NRG3: variants seen among roughly 807,000 people sequenced by gnomAD.
NRG3 encodes the protein neuregulin 3.
NRG3 carries 31 observed loss-of-function variants against 66.9 expected under a neutral mutation model. That is an observed-to-expected ratio of 0.46 (90% CI 0.35 to 0.63). The LOEUF (loss-of-function observed/expected upper bound fraction) is 0.63, where lower values mean the gene tolerates loss of function less well. Among genes scored for constraint, NRG3 ranks in the 20% least tolerant of loss-of-function variants. The pLI is 0.00. For synonymous variants in NRG3, 393 were observed against 359.4 expected, an observed-to-expected ratio of 1.09 and a Z score of -1.06; for missense variants, 910 against 878.9, an observed-to-expected ratio of 1.04 and a Z score of -0.45.
At chr10:82,967,819 C>T (rs1053011399) in intron 6 of NRG3, among the ~76,000 whole-genome samples, 2 of 152,184 alleles carry the variant, frequency 1.3e-5, no homozygotes, top group Non-Finnish European at 2.9e-5. Context: ...GGGTTCTTTG[C>T]TGTGAGAACC....
chr10:82,957,887 G>GGTGC (rs1850218987), intron 5 of NRG3, among the ~76,000 whole-genome samples: 1 of 103,880 alleles, frequency 9.6e-6, no homozygotes, highest in Non-Finnish European at 1.9e-5. Context: ...ACTGCAAAGA[G>GGTGC]GTGTGCGTGT....
intron 1 of NRG3, among the ~76,000 whole-genome samples, chr10:81,886,514 CTTGTA>C (rs1842626555): frequency 6.6e-6 from 1 of 152,060 alleles, no homozygotes; most frequent in African/African-American, 2.4e-5. Context: ...GAAATTTGCA[CTTGTA>C]TTGTTTCACA....
At chr10:82,012,176 G>A (rs552740583) in intron 1 of NRG3, among the ~76,000 whole-genome samples, 1 of 152,266 alleles carries the variant, frequency 6.6e-6, no homozygotes, top group African/African-American at 2.4e-5. Context: ...TTACTTCTGT[G>A]TACCCACATG....
chr10:82,749,267 G>T (rs4434941), intron 3 of NRG3, among the ~76,000 whole-genome samples: 2,074 of 151,904 alleles, frequency 0.014, 49 homozygotes, highest in African/African-American at 0.048. Flanking sequence ...CCTCCACTCT[G>T]CTCATAGCAT....
chr10:82,894,835 C>T (rs934843651), intron 4 of NRG3, among the ~76,000 whole-genome samples: 4 of 152,108 alleles, frequency 2.6e-5, no homozygotes, highest in Middle Eastern at 3.4e-3. Flanking sequence ...CCCATCAACC[C>T]GTCATCTAGG....
intron 2 of NRG3, among the ~76,000 whole-genome samples, chr10:82,570,141 A>G (rs1480163984): frequency 6.6e-6 from 1 of 151,596 alleles, no homozygotes. Flanking sequence ...CTTAACTGGT[A>G]TTTCTTTCCT....
At chr10:82,127,265 C>A (rs2068507779) in intron 1 of NRG3, among the ~76,000 whole-genome samples, 1 of 152,048 alleles carries the variant, frequency 6.6e-6, no homozygotes, top group African/African-American at 2.4e-5. Flanking sequence ...GAGGAATAGA[C>A]CCTGCCTATG....
At chr10:82,525,451 G>A (rs897705182) in intron 2 of NRG3, among the ~76,000 whole-genome samples, 7 of 151,736 alleles carry the variant, frequency 4.6e-5, no homozygotes, top group East Asian at 1.9e-4. Context: ...ATCAGCTTTC[G>A]TATTCATTTC....
At chr10:82,390,690 C>G (rs1243477195) in intron 2 of NRG3, among the ~76,000 whole-genome samples, 2 of 152,088 alleles carry the variant, frequency 1.3e-5, no homozygotes, top group East Asian at 3.9e-4. Flanking sequence ...TTTAGGGGAC[C>G]AAAAATGGTA....
chr10:82,100,033 G>C (rs552981548), intron 1 of NRG3, among the ~76,000 whole-genome samples: 1 of 150,872 alleles, frequency 6.6e-6, no homozygotes, highest in Non-Finnish European at 1.5e-5. Context: ...ATTGTCTCCT[G>C]TTCTATGAAG....
chr10:82,386,940 C>G (rs2086037895), intron 2 of NRG3, among the ~76,000 whole-genome samples: 1 of 152,140 alleles, frequency 6.6e-6, no homozygotes, highest in African/African-American at 2.4e-5. Flanking sequence ...GCTGGGTTTA[C>G]AGGCACACAG....
intron 4 of NRG3, among the ~76,000 whole-genome samples, chr10:82,934,745 C>G (rs1467074235): frequency 6.6e-6 from 1 of 152,196 alleles, no homozygotes; most frequent in African/African-American, 2.4e-5. Context: ...TTAACTCCTC[C>G]TGCCCTCTGT....
At chr10:82,296,854 TG>T (rs1161441294) in intron 1 of NRG3, among the ~76,000 whole-genome samples, 3 of 152,160 alleles carry the variant, frequency 2.0e-5, no homozygotes, top group Non-Finnish European at 4.4e-5. Context: ...TGCTGGGATT[TG>T]GACTTCTAGT....
rs1262801472 is a variant in NRG3, at chr10:82,944,676, A to T, written c.1055-6793A>T. 2.0e-5 allele frequency among the ~76,000 whole-genome samples: 3 copies of T among 152,326 alleles called. No homozygotes were observed. In the East Asian group the frequency reaches 5.8e-4, roughly 29 times the overall value. ...ATTGCCCCTCTCGACTTACTAAGAA[A>T]TGTAGACAATGTGATATTTTTTAGG... On this transcript the variant is annotated intron_variant, in intron 4 of 8. Coordinates refer to ENST00000372141, the MANE Select transcript of NRG3 (RefSeq NM_001010848.4).
chr10:82,692,608 G>C (rs1401637574), intron 2 of NRG3, among the ~76,000 whole-genome samples: 3 of 152,190 alleles, frequency 2.0e-5, no homozygotes, highest in African/African-American at 4.8e-5. Context: ...AGGAGACAAA[G>C]AGGCCGAGCT....
intron 1 of NRG3, among the ~76,000 whole-genome samples, chr10:82,033,062 G>A (rs2062639785): frequency 6.6e-6 from 1 of 152,024 alleles, no homozygotes; most frequent in Non-Finnish European, 1.5e-5. Flanking sequence ...AGAATTCAAA[G>A]AACAGACTTA....
chr10:82,379,229 C>T (rs2085453521), intron 2 of NRG3, among the ~76,000 whole-genome samples: 1 of 152,102 alleles, frequency 6.6e-6, no homozygotes, highest in Non-Finnish European at 1.5e-5. Context: ...CATCCCATTT[C>T]CACTCTAACA....
intron 1 of NRG3, among the ~76,000 whole-genome samples, chr10:81,955,643 G>A (rs567920436): frequency 6.6e-6 from 1 of 152,244 alleles, no homozygotes; most frequent in African/African-American, 2.4e-5. Flanking sequence ...TGAAGAACAG[G>A]CTGGAAAGTG....
At chr10:82,690,711 T>G (rs933937552) in intron 2 of NRG3, among the ~76,000 whole-genome samples, 2 of 152,188 alleles carry the variant, frequency 1.3e-5, no homozygotes, top group African/African-American at 2.4e-5. Flanking sequence ...TTTGGAGAGA[T>G]TTACATCAAT....
Sources: allele counts gnomAD v4.1 joint callset (sites outside exome capture counted in the v4.1 genomes callset), GRCh38; gene constraint gnomAD v4.1.1; transcripts MANE v1.5; gene names NCBI Gene and HGNC (gene_info 2026-07-23, HGNC 2026-07-21).